GUCY1A2: variants seen among roughly 807,000 people sequenced by gnomAD.
The protein encoded by GUCY1A2 is guanylate cyclase soluble subunit alpha-2.
Under a neutral mutation model 63.5 loss-of-function variants are expected in GUCY1A2, and 27 were observed. The ratio of observed to expected loss-of-function variants is 0.43; its 90% CI spans 0.31 to 0.59. The LOEUF is 0.59. Among genes scored for constraint, GUCY1A2 ranks in the 20% least tolerant of loss-of-function variants. GUCY1A2 has a pLI of 0.11. For missense variants in GUCY1A2, 768 were observed against 913.3 expected (o/e 0.84, Z 2.05); for synonymous variants, 364 against 343.5 (o/e 1.06, Z -0.66).
chr11:106,897,774 T>C (rs1860071964), intron 4 of GUCY1A2, among the ~76,000 whole-genome samples: 2 of 151,376 alleles, frequency 1.3e-5, no homozygotes, highest in South Asian at 4.2e-4. Context: ...ACATACAAGA[T>C]AATATAGAAC....
intron 5 of GUCY1A2, among the ~76,000 whole-genome samples, chr11:106,807,742 T>A (rs1162000935): frequency 6.6e-6 from 1 of 152,152 alleles, no homozygotes; most frequent in African/African-American, 2.4e-5. Flanking sequence ...TCCAGGTGGG[T>A]ACCATCTAAT....
At chr11:106,715,723 CA>C (rs1256536374) in intron 6 of GUCY1A2, among the ~76,000 whole-genome samples, 2 of 152,222 alleles carry the variant, frequency 1.3e-5, no homozygotes, top group Non-Finnish European at 1.5e-5. Flanking sequence ...CTGCTTGCTG[CA>C]TTCAAGCCTG....
chr11:106,704,506 A>G (rs1464643597), intron 7 of GUCY1A2, among the ~76,000 whole-genome samples: 14 of 152,204 alleles, frequency 9.2e-5, no homozygotes, highest in Admixed American at 9.2e-4. Flanking sequence ...CTCTCATACA[A>G]TGAGCTGTTC....
intron 7 of GUCY1A2, among the ~76,000 whole-genome samples, chr11:106,697,818 A>C (rs1278606105): frequency 6.6e-6 from 1 of 152,158 alleles, no homozygotes; most frequent in African/African-American, 2.4e-5. Context: ...GTTTTTGCCC[A>C]GTCAGCCCTG....
chr11:106,940,226 T>C (rs757840158), intron 3 of GUCY1A2, 48 bp from the exon 4 acceptor site: 2 of 851,248 alleles, frequency 2.3e-6, no homozygotes, highest in Non-Finnish European at 1.9e-6. Context: ...ATATAAATAA[T>C]TGAATTTATA....
intron 4 of GUCY1A2, among the ~76,000 whole-genome samples, chr11:106,862,413 A>C (rs1414652846): frequency 6.6e-6 from 1 of 152,004 alleles, no homozygotes; most frequent in Non-Finnish European, 1.5e-5. Flanking sequence ...ATCATCATTT[A>C]ACCATGCTCA....
intron 3 of GUCY1A2, among the ~76,000 whole-genome samples, chr11:106,950,020 T>A (rs1480788279): frequency 6.6e-6 from 1 of 152,242 alleles, no homozygotes; most frequent in African/African-American, 2.4e-5. Context: ...CTATATTTTG[T>A]ACCCTTCAGT....
intron 3 of GUCY1A2, among the ~76,000 whole-genome samples, chr11:106,940,503 G>A (rs1035737937): frequency 2.6e-5 from 4 of 152,036 alleles, no homozygotes; most frequent in East Asian, 1.9e-4. Context: ...TCTCTGCCCC[G>A]ACACATGCAC....
intron 4 of GUCY1A2, among the ~76,000 whole-genome samples, chr11:106,899,476 T>C (rs1860096488): frequency 6.6e-6 from 1 of 152,204 alleles, no homozygotes; most frequent in African/African-American, 2.4e-5. Flanking sequence ...ATTTCATGTA[T>C]TGTAAATTAA....
At chr11:106,773,830 AT>A (rs1159887045) in intron 6 of GUCY1A2, among the ~76,000 whole-genome samples, 1 of 152,180 alleles carries the variant, frequency 6.6e-6, no homozygotes, top group Non-Finnish European at 1.5e-5. Context: ...TTGTATTTTA[AT>A]TTTTTAGTTC....
intron 4 of GUCY1A2, among the ~76,000 whole-genome samples, chr11:106,922,074 C>A (rs1860451585): frequency 4.6e-5 from 7 of 152,104 alleles, no homozygotes. Context: ...GTACAATTAG[C>A]TTTTTGCCTA....
chr11:106,937,826 G>T (rs1860699613), intron 4 of GUCY1A2, among the ~76,000 whole-genome samples: 1 of 152,094 alleles, frequency 6.6e-6, no homozygotes, highest in Admixed American at 6.6e-5. Flanking sequence ...TGGAATCCAG[G>T]TCTATCCTTA....
At chr11:106,721,699 A>C (rs1480811108) in intron 6 of GUCY1A2, among the ~76,000 whole-genome samples, 1 of 152,216 alleles carries the variant, frequency 6.6e-6, no homozygotes, top group Non-Finnish European at 1.5e-5. Context: ...TTTAGGGGTT[A>C]ATTATGAAAA....
intron 3 of GUCY1A2, among the ~76,000 whole-genome samples, chr11:106,944,534 T>C (rs184482025): frequency 6.6e-6 from 1 of 152,214 alleles, no homozygotes; most frequent in Admixed American, 6.5e-5. Context: ...AAAAAATAAC[T>C]GAACGGTACC....
intron 4 of GUCY1A2, among the ~76,000 whole-genome samples, chr11:106,862,567 A>G (rs1221633731): frequency 1.3e-5 from 2 of 152,078 alleles, no homozygotes; most frequent in African/African-American, 4.8e-5. Flanking sequence ...ACAAAGAAAC[A>G]TTTAAAACCT....
chr11:106,911,472 T>C (rs79762354), intron 4 of GUCY1A2, among the ~76,000 whole-genome samples: 15,544 of 152,076 alleles, frequency 0.1, 892 homozygotes, highest in Middle Eastern at 0.16. Flanking sequence ...AGATAACAAT[T>C]AGCAAAGAAA....
chr11:106,914,972 T>A (rs1404515043), intron 4 of GUCY1A2, among the ~76,000 whole-genome samples: 2 of 152,020 alleles, frequency 1.3e-5, no homozygotes, highest in African/African-American at 4.8e-5. Flanking sequence ...TGTTGAAATT[T>A]AAAAAAACGC....
Position 106,698,119 on chromosome 11 carries a change from A to ATTTTTTTTTTTTTTTTTTTTTTTTTTTTT in GUCY1A2, c.1992-10364_1992-10363insAAAAAAAAAAAAAAAAAAAAAAAAAAAAA, listed in dbSNP as rs71470827. On this transcript the variant is annotated intron_variant, in intron 7 of 7. Transcript: ENST00000526355. ...TTTACAGCTTTCACTGAATGTTAGA[A>ATTTTTTTTTTTTTTTTTTTTTTTTTTTTT]TTTTTTTTTTTTTTTTTTTAGACAG... is the stretch of plus-strand genomic sequence containing the variant. Among the ~76,000 whole-genome samples, 39 of 100,484 alleles carry ATTTTTTTTTTTTTTTTTTTTTTTTTTTTT rather than the reference A, an allele frequency of 3.9e-4. 1 individual carries two copies. The highest frequency in any genetic ancestry group is 5.0e-4 in the African/African-American group (11 of 21,788). 65.9% of individuals were successfully genotyped at this position (100,484 alleles called of 152,430 possible). A position where few individuals can be genotyped will look rare whatever the true frequency, so the allele number is the denominator to read the frequency against.
At chr11:107,012,132 T>C (rs1271381127) in intron 1 of GUCY1A2, among the ~76,000 whole-genome samples, 1 of 152,336 alleles carries the variant, frequency 6.6e-6, no homozygotes, top group East Asian at 1.9e-4. Context: ...TGGAAATGTT[T>C]GGATCTGCAA....
Sources: allele counts gnomAD v4.1 joint callset (sites outside exome capture counted in the v4.1 genomes callset), GRCh38; gene constraint gnomAD v4.1.1; transcripts MANE v1.5; gene names NCBI Gene and HGNC (gene_info 2026-07-23, HGNC 2026-07-21).